Variants in PCYT1B observed in about 807,000 individuals in gnomAD.
PCYT1B encodes the protein choline-phosphate cytidylyltransferase B.
Under a neutral mutation model 26.4 loss-of-function variants are expected in PCYT1B, and 10 were observed. The ratio of observed to expected loss-of-function variants is 0.38; its 90% CI spans 0.23 to 0.64. PCYT1B has a LOEUF of 0.64. Ranked by LOEUF, PCYT1B falls within the 30% of genes least tolerant of loss-of-function variation. The pLI is 0.56. For synonymous variants in PCYT1B, 131 were observed against 108.4 expected, an observed-to-expected ratio of 1.21 and a Z score of -1.29; for missense variants, 161 against 292.7, an observed-to-expected ratio of 0.55 and a Z score of 3.28.
intron 1 of PCYT1B, among the ~76,000 whole-genome samples, chrX:24,670,732 T>C (rs1399442088): frequency 1.8e-5 from 2 of 111,421 alleles, no homozygotes; most frequent in Non-Finnish European, 3.8e-5. Flanking sequence ...TGAATACAAT[T>C]ACATAAAATA....
At chrX:24,600,284 C>G (rs1460051866) in intron 3 of PCYT1B, among the ~76,000 whole-genome samples, 1 of 111,277 alleles carries the variant, frequency 9.0e-6, no homozygotes, top group East Asian at 2.8e-4. Flanking sequence ...AGTGGCCACT[C>G]GGTCCTGACA....
intron 1 of PCYT1B, among the ~76,000 whole-genome samples, chrX:24,633,297 C>T (rs1926166052): frequency 9.3e-6 from 1 of 107,001 alleles, no homozygotes; most frequent in Non-Finnish European, 1.9e-5. Flanking sequence ...AGGTGATGGA[C>T]ACCCTAAATA....
At position 24,566,500 on chromosome X, in the gene PCYT1B, C is replaced by G. The variant is rs753528853; in HGVS notation, c.898-3995G>C. 5.4e-5 allele frequency among the ~76,000 whole-genome samples: 6 copies of G among 111,896 alleles called. No homozygotes were observed. The East Asian group carries it at 1.7e-3, about 31-fold the overall frequency. On this transcript the variant is annotated intron_variant, in intron 7 of 7. Transcript: ENST00000379144. ...CAGATGGGAGTGATAACCCGAAATGCTAACAGAGAGACTGCTCTGGATGAT... is the reference window on the plus strand; with the variant it reads ...CAGATGGGAGTGATAACCCGAAATGGTAACAGAGAGACTGCTCTGGATGAT...
At chrX:24,607,961 T>C (rs928736076) in intron 2 of PCYT1B, 100 bp from the exon 3 acceptor site, 45 of 458,730 alleles carry the variant, frequency 9.8e-5, no homozygotes, top group Non-Finnish European at 4.6e-5. Flanking sequence ...ACACAATCTC[T>C]ACATACCATC....
At position 24,561,864 on chromosome X, in the gene PCYT1B, G is replaced by T; in HGVS notation, c.*429C>A. 2.5e-6 allele frequency: 1 copy of T among 401,933 alleles called. No individual in the cohort carries two copies. Among genetic ancestry groups the T allele is most frequent in the Non-Finnish European group, 4.3e-6 (1 of 230,584 alleles). The allele number at this position is 401,933 out of a possible 1,213,427, so 33.1% of individuals were successfully genotyped here. On this transcript the variant is annotated 3_prime_UTR_variant, in exon 8 of 8. Transcript: ENST00000379144. ...CTCTATTGGAAACAATTTTATTCTGGCAGAGCTGGGGTGGTGGGAGGCAAC... is the reference window on the plus strand; with the variant it reads ...CTCTATTGGAAACAATTTTATTCTGTCAGAGCTGGGGTGGTGGGAGGCAAC...
intron 1 of PCYT1B, among the ~76,000 whole-genome samples, chrX:24,631,822 G>A (rs1324753632): frequency 9.0e-6 from 1 of 111,712 alleles, no homozygotes; most frequent in African/African-American, 3.3e-5. Context: ...AAAATTAGCT[G>A]GGCACGGTGG....
intron 1 of PCYT1B, among the ~76,000 whole-genome samples, chrX:24,636,341 A>G (rs1389254242): frequency 1.8e-5 from 2 of 112,725 alleles, no homozygotes; most frequent in Admixed American, 9.4e-5. Context: ...AGCCAGGAAC[A>G]GTGGCTCATG....
chrX:24,645,958 C>A (rs1464048628), intron 1 of PCYT1B, among the ~76,000 whole-genome samples: 1 of 111,878 alleles, frequency 8.9e-6, no homozygotes, highest in Admixed American at 9.5e-5. Context: ...ACAGAAAATG[C>A]TACATCACAA....
At chrX:24,623,253 T>C (rs919838685) in intron 1 of PCYT1B, among the ~76,000 whole-genome samples, 2 of 109,167 alleles carry the variant, frequency 1.8e-5, no homozygotes, top group Non-Finnish European at 3.8e-5. Context: ...CTTTTGAGCA[T>C]GAAAATCATA....
intron 3 of PCYT1B, among the ~76,000 whole-genome samples, chrX:24,595,929 G>A (rs1317698287): frequency 2.7e-5 from 3 of 109,636 alleles, no homozygotes; most frequent in African/African-American, 9.9e-5. Context: ...TACCAGTCAG[G>A]CAAAAGGGAC....
At chrX:24,651,767 G>A (rs930053708), upstream of PCYT1B, among the ~76,000 whole-genome samples, 16 of 107,011 alleles carry the variant, frequency 1.5e-4, no homozygotes, top group South Asian at 4.1e-4. Context: ...TGCCTGCCTC[G>A]GCCTCCCAAA....
At chrX:24,621,824 T>C in intron 1 of PCYT1B, 1 of 717,122 alleles carries the variant, frequency 1.4e-6, no homozygotes, top group African/African-American at 2.3e-5. Context: ...CAAAGTTTAT[T>C]AAAGAGGAGA....
chrX:24,562,876 C>T (rs778836219), intron 7 of PCYT1B, among the ~76,000 whole-genome samples: 6 of 109,744 alleles, frequency 5.5e-5, no homozygotes, highest in African/African-American at 1.0e-4. Context: ...TACAGGTGCC[C>T]GCCACCATGC....
chrX:24,656,275 T>A (rs1392734416), intron 1 of PCYT1B, among the ~76,000 whole-genome samples: 1 of 107,158 alleles, frequency 9.3e-6, no homozygotes. Flanking sequence ...TGCTTTGTTT[T>A]ATTATTAAAA....
rs910619848 is a variant in PCYT1B, at chrX:24,598,482, TATACAC to T, written c.335-8314_335-8309del. ...GGCAAACACTAGAATTTGATATATA[TATACAC>T]ACACACACACACACACACACACTCA... is the stretch of plus-strand genomic sequence containing the variant. On this transcript the variant is annotated intron_variant, in intron 3 of 7. Coordinates refer to ENST00000379144, the MANE Select transcript of PCYT1B (RefSeq NM_004845.5). 9.4e-5 allele frequency among the ~76,000 whole-genome samples: 10 copies of T among 106,549 alleles called. 1 individual carries two copies. In the South Asian group the frequency reaches 2.8e-3, roughly 30 times the overall value. The allele number at this position is 106,549 out of a possible 115,157, so 92.5% of individuals were successfully genotyped here.
intron 1 of PCYT1B, among the ~76,000 whole-genome samples, chrX:24,637,494 AT>A (rs1371682166): frequency 1.5e-5 from 1 of 65,531 alleles, no homozygotes; most frequent in African/African-American, 8.9e-5. Context: ...AAAAAAAAAT[AT>A]ATATATATAT....
In PCYT1B at chrX:24,590,790, CTT is replaced by C. The variant is rs1226692293; in HGVS notation, c.335-618_335-617del. On this transcript the variant is annotated intron_variant, in intron 3 of 7. Coordinates refer to ENST00000379144, the MANE Select transcript of PCYT1B (RefSeq NM_004845.5). ...GTAGAGTTCATCCTTTCACATCTCT[CTT>C]TTTTTTTTTTTTTTTTTTTGAGACA... Among the ~76,000 whole-genome samples the C allele has an allele frequency of 7.2e-3, 545 of 75,314 alleles. 4 individuals carry two copies. Among genetic ancestry groups the C allele is most frequent in the African/African-American group, 0.025 (497 of 20,092 alleles). The allele number at this position is 75,314 out of a possible 115,157, so 65.4% of individuals were successfully genotyped here.
chrX:24,641,654 C>T (rs1326578667), intron 1 of PCYT1B, among the ~76,000 whole-genome samples: 7 of 112,216 alleles, frequency 6.2e-5, no homozygotes, highest in African/African-American at 2.3e-4. Context: ...ATTGCAAGCA[C>T]AATATACACA....
At chrX:24,656,593 G>A (rs1926925540) in intron 1 of PCYT1B, among the ~76,000 whole-genome samples, 1 of 60,514 alleles carries the variant, frequency 1.7e-5, no homozygotes, top group African/African-American at 6.8e-5. Flanking sequence ...GTCTTGCTCT[G>A]TTTCCCAGGC....
Sources: gnomAD v4.1 joint callset for allele counts (sites outside exome capture counted in the v4.1 genomes callset) on GRCh38, gnomAD v4.1.1 for gene constraint, MANE v1.5 for transcripts, NCBI Gene and HGNC (gene_info 2026-07-23, HGNC 2026-07-21) for gene names.